Variants in BMP1 observed in about 807,000 individuals in gnomAD.
BMP1 encodes mammalian tolloid protein.
In BMP1, 63 loss-of-function variants were observed where a neutral mutation model predicts 116.8. The observed-to-expected ratio is 0.54, with a 90% CI of 0.44 to 0.67. The LOEUF is 0.67. Among genes scored for constraint, BMP1 ranks in the 30% least tolerant of loss-of-function variants. The probability of loss-of-function intolerance (pLI) is 0.00; values close to 1 mark genes in which losing one functional copy is unlikely to be tolerated. For synonymous variants in BMP1, 536 were observed against 533.4 expected (o/e 1.00, Z -0.07); for missense variants, 1,183 against 1,358.9 (o/e 0.87, Z 2.04).
intron 8 of BMP1, among the ~76,000 whole-genome samples, chr8:22,191,210 C>G (rs1007097610): frequency 6.6e-6 from 1 of 152,190 alleles, no homozygotes; most frequent in East Asian, 1.9e-4. Flanking sequence ...CTCTTCTCCC[C>G]ATTGCACGCA....
chr8:22,182,456 A>T (rs1203395261), intron 8 of BMP1, among the ~76,000 whole-genome samples: 3 of 152,236 alleles, frequency 2.0e-5, no homozygotes, highest in Non-Finnish European at 4.4e-5. Context: ...GGTGACCACC[A>T]GTTGACCGGG....
At chr8:22,176,425 A>G (rs1828436424) in intron 3 of BMP1, 108 bp from the exon 4 acceptor site, 1 of 1,551,246 alleles carries the variant, frequency 6.4e-7, no homozygotes. Context: ...GTGCCCACAC[A>G]TTCCTTTCCA....
intron 19 of BMP1, among the ~76,000 whole-genome samples, chr8:22,210,677 G>A (rs539867723): frequency 2.0e-5 from 3 of 152,250 alleles, no homozygotes; most frequent in East Asian, 1.9e-4. Flanking sequence ...TTCAGCCCTC[G>A]TGTGGCTGGC....
At chr8:22,174,792 C>A (rs1828385028) in intron 2 of BMP1, among the ~76,000 whole-genome samples, 1 of 152,062 alleles carries the variant, frequency 6.6e-6, no homozygotes, top group African/African-American at 2.4e-5. Flanking sequence ...AACACCACGC[C>A]TGGCCAATTT....
intron 16 of BMP1, among the ~76,000 whole-genome samples, chr8:22,203,792 C>T (rs1315071657): frequency 1.3e-5 from 2 of 152,204 alleles, no homozygotes; most frequent in African/African-American, 4.8e-5. Flanking sequence ...TTCCCAAATA[C>T]ACAGTTCCTG....
At chr8:22,201,078 C>T in intron 15 of BMP1, 1 of 1,588,722 alleles carries the variant, frequency 6.3e-7, no homozygotes, top group Non-Finnish European at 8.6e-7. Flanking sequence ...CCTCCACCCC[C>T]ACCCCTTGGT....
Position 22,179,372 on chromosome 8 carries a change from A to T in BMP1, c.837-333A>T, listed in dbSNP as rs577912532. On this transcript the variant is annotated intron_variant, in intron 6 of 19. Transcript: ENST00000306385. The surrounding 1 kb of genome is among the most constrained non-coding windows in gnomAD (Gnocchi z 4.6). ...TGGGGCTGGAGAGAGATGACCCGCTAGGGGCCTGTAGCTTTCCTGGGGCTG... is the reference window on the plus strand; with the variant it reads ...TGGGGCTGGAGAGAGATGACCCGCTTGGGGCCTGTAGCTTTCCTGGGGCTG... Among the ~76,000 whole-genome samples, 1 of 152,276 alleles carries T rather than the reference A, an allele frequency of 6.6e-6. No homozygotes were observed. Among genetic ancestry groups the T allele is most frequent in the South Asian group, 2.1e-4 (1 of 4,830 alleles).
intron 8 of BMP1, among the ~76,000 whole-genome samples, chr8:22,183,095 T>C (rs1002444680): frequency 5.3e-5 from 8 of 151,912 alleles, no homozygotes; most frequent in African/African-American, 1.9e-4. Flanking sequence ...AGTGAACCCA[T>C]TCTTCCTTGT....
intron 8 of BMP1, among the ~76,000 whole-genome samples, chr8:22,188,512 G>A (rs1033257524): frequency 1.3e-5 from 2 of 152,178 alleles, no homozygotes; most frequent in Admixed American, 6.5e-5. Flanking sequence ...TAAGGAAGCC[G>A]AGCCACAGGC....
intron 8 of BMP1, among the ~76,000 whole-genome samples, chr8:22,185,823 T>C (rs1270665814): frequency 6.8e-6 from 1 of 146,652 alleles, no homozygotes; most frequent in East Asian, 2.0e-4. Flanking sequence ...GGTTTCACTG[T>C]CTTTCTTTTT....
chr8:22,179,724 A>G lies in BMP1; in HGVS notation c.856A>G (p.Ile286Val), dbSNP rs778091591. The stretch of plus-strand genomic sequence containing the variant: ...CTTCAGGGGCATCTTCCTGGATACC[A>G]TTGTCCCCAAGTATGAGGTGAACGG... ...TFSRGIFLDT[I>V]VPKYEVNGVK... is the part of the protein sequence containing the mutation. The change falls in exon 7 of 20, where the codon ATT (isoleucine) becomes GTT (valine). Residue 286 changes from isoleucine (I) to valine (V), a missense_variant. This residue lies in a region of BMP1 where 956 missense variants were observed against 1,135.2 expected (regional missense o/e 0.84). Coordinates refer to ENST00000306385, the MANE Select transcript of BMP1 (RefSeq NM_006129.5). This position sits in a 1 kb window ranked among gnomAD's most constrained non-coding sequence, Gnocchi z 4.6. 4 of 1,613,938 alleles carry G rather than the reference A, an allele frequency of 2.5e-6. No homozygotes were observed. Among genetic ancestry groups the G allele is most frequent in the Non-Finnish European group, 3.4e-6 (4 of 1,179,954 alleles).
intron 1 of BMP1, among the ~76,000 whole-genome samples, chr8:22,166,610 T>G (rs2131833640): frequency 6.9e-6 from 1 of 144,474 alleles, no homozygotes; most frequent in East Asian, 1.9e-4. Context: ...CCAGGGGAAG[T>G]GGCATAGTTG....
chr8:22,187,451 C>G (rs1473670892), intron 8 of BMP1, among the ~76,000 whole-genome samples: 3 of 151,276 alleles, frequency 2.0e-5, no homozygotes, highest in Non-Finnish European at 2.9e-5. Flanking sequence ...CTGCCTCAGC[C>G]TCCTCAGTAG....
At chr8:22,176,442 C>A in intron 3 of BMP1, 91 bp from the exon 4 acceptor site, 1 of 1,558,750 alleles carries the variant, frequency 6.4e-7, no homozygotes, top group Admixed American at 1.7e-5. Flanking sequence ...TCCAGGCAGT[C>A]TGCCCTCAGA....
intron 2 of BMP1, among the ~76,000 whole-genome samples, chr8:22,174,625 G>GTT (rs1828378420): frequency 1.5e-5 from 2 of 129,416 alleles, no homozygotes; most frequent in African/African-American, 6.2e-5. Context: ...CTTTTTTTCT[G>GTT]TCTTTTTTTT....
At chr8:22,204,445 G>A (rs1222009296) in intron 16 of BMP1, among the ~76,000 whole-genome samples, 6 of 152,172 alleles carry the variant, frequency 3.9e-5, no homozygotes, top group Admixed American at 6.5e-5. Context: ...AGTCGGGGCA[G>A]GGCGTGGTGG....
At chr8:22,191,692 C>T (rs115849327) in intron 8 of BMP1, among the ~76,000 whole-genome samples, 5 of 152,370 alleles carry the variant, frequency 3.3e-5, no homozygotes, top group African/African-American at 1.2e-4. Flanking sequence ...GTCGCTACTT[C>T]AGACCCTCCA....
At chr8:22,204,798 C>G (rs992021887) in intron 16 of BMP1, among the ~76,000 whole-genome samples, 30 of 141,712 alleles carry the variant, frequency 2.1e-4, no homozygotes, top group Non-Finnish European at 3.8e-4. Context: ...AGTCAGATTG[C>G]CGTGGATTGA....
chr8:22,176,814 C>T (rs1386403469), intron 4 of BMP1, 147 bp from the exon 5 acceptor site: 2 of 971,816 alleles, frequency 2.1e-6, no homozygotes, highest in Non-Finnish European at 3.1e-6. Flanking sequence ...CTGTGACCTC[C>T]AGCACACAGC....
Sources: allele counts gnomAD v4.1 joint callset (sites outside exome capture counted in the v4.1 genomes callset), GRCh38; gene constraint gnomAD v4.1.1; regional missense constraint gnomAD v4.1.1; non-coding constraint Gnocchi (gnomAD v3.1); transcripts MANE v1.5; gene names NCBI Gene and HGNC (gene_info 2026-07-23, HGNC 2026-07-21).